Variants in CDK5RAP2 observed in about 807,000 individuals in gnomAD.
The protein encoded by CDK5RAP2 is CDK5 regulatory subunit associated protein 2, also known as CDK5 regulatory subunit-associated protein 2.
CDK5RAP2 carries 147 observed loss-of-function variants against 232.9 expected under a neutral mutation model. That is an observed-to-expected ratio of 0.63 (90% CI 0.55 to 0.72). The LOEUF is 0.72. Ranked by LOEUF, CDK5RAP2 falls within the 30% of genes least tolerant of loss-of-function variation. The pLI, the probability that CDK5RAP2 is intolerant of heterozygous loss-of-function variation, is 0.00. For synonymous variants in CDK5RAP2, 833 were observed against 833.7 expected (o/e 1.00, Z 0.01); for missense variants, 2,195 against 2,231.5 (o/e 0.98, Z 0.33).
Position 120,400,894 on chromosome 9 carries a change from G to T in CDK5RAP2, c.5308-9C>A. On this transcript the variant is annotated splice_polypyrimidine_tract_variant and intron_variant, in intron 34 of 37. Transcript: ENST00000349780. ...GGTGCTGGGTGTGGACCCTACACGGGGGATATGAAGGCTGTTACGTGCAGT... is the reference window on the plus strand; with the variant it reads ...GGTGCTGGGTGTGGACCCTACACGGTGGATATGAAGGCTGTTACGTGCAGT... 6.2e-7 allele frequency: 1 copy of T among 1,614,106 alleles called. No homozygotes were observed. The highest frequency in any genetic ancestry group is 1.1e-5 in the South Asian group (1 of 91,076).
intron 8 of CDK5RAP2, among the ~76,000 whole-genome samples, chr9:120,529,257 T>C (rs573468148): frequency 3.4e-4 from 52 of 152,224 alleles, no homozygotes; most frequent in Non-Finnish European, 4.9e-4. Flanking sequence ...ACATACGACA[T>C]GCAGCAGCTA....
Position 120,408,467 on chromosome 9 carries a change from C to T in CDK5RAP2, c.4606G>A (p.Val1536Met). Residue 1536 changes from valine (V) to methionine (M), a missense_variant and splice_region_variant, in exon 31 of 38, where the codon GTG (valine) becomes ATG (methionine). Transcript: ENST00000349780. ...TGCCTCAACTTCACCTCCTCCTGCA[C>T]CCTGAGAAGGCCCCACAGGCATGAG... ...VRCSGQELSR[V>M]QEEVKLRQQL... 1.2e-6 allele frequency: 2 copies of T among 1,614,144 alleles called. No individual in the cohort carries two copies. Among genetic ancestry groups the T allele is most frequent in the Non-Finnish European group, 1.7e-6 (2 of 1,179,992 alleles).
intron 15 of CDK5RAP2, among the ~76,000 whole-genome samples, chr9:120,475,313 C>T (rs1201037236): frequency 6.6e-6 from 1 of 152,162 alleles, no homozygotes; most frequent in South Asian, 2.1e-4. Context: ...TTTAAGAAAC[C>T]TTGTTAGTCC....
At chr9:120,538,821 T>C (rs970325221) in intron 6 of CDK5RAP2, among the ~76,000 whole-genome samples, 1 of 152,212 alleles carries the variant, frequency 6.6e-6, no homozygotes, top group Non-Finnish European at 1.5e-5. Context: ...TCAGGGATCT[T>C]ACACAGAAAT....
At chr9:120,546,945 T>A (rs1156637677) in intron 4 of CDK5RAP2, among the ~76,000 whole-genome samples, 1 of 151,956 alleles carries the variant, frequency 6.6e-6, no homozygotes, top group African/African-American at 2.4e-5. Flanking sequence ...TCCATGCCAA[T>A]TTTATATTCT....
At chr9:120,498,446 C>G (rs559631763) in intron 12 of CDK5RAP2, among the ~76,000 whole-genome samples, 8 of 152,258 alleles carry the variant, frequency 5.3e-5, no homozygotes, top group Admixed American at 4.6e-4. Flanking sequence ...AGCAACTGTT[C>G]CAGATTAGCC....
At chr9:120,406,875 G>A in intron 32 of CDK5RAP2, 137 bp downstream of exon 32, 1 of 695,928 alleles carries the variant, frequency 1.4e-6, no homozygotes, top group Admixed American at 2.6e-5. Context: ...CAGGTCCCCT[G>A]GCTCCTAGGG....
intron 4 of CDK5RAP2, 125 bp from the exon 5 acceptor site, chr9:120,545,915 T>C (rs909843728): frequency 3.9e-6 from 3 of 768,700 alleles, no homozygotes; most frequent in Middle Eastern, 3.4e-4. Context: ...AGATGTTAGA[T>C]TCCAAAAACC....
chr9:120,439,912 T>A lies in CDK5RAP2; in HGVS notation c.3209A>T (p.Glu1070Val). The A allele has an allele frequency of 6.2e-7, 1 of 1,614,162 alleles. No individual in the cohort carries two copies. The highest frequency in any genetic ancestry group is 1.1e-5 in the South Asian group (1 of 91,072). ...TACTGAAGTTGGGCTCAGAACATCTTCAGGATTTTCTTTGCATGATGGCAA... is the reference window on the plus strand; with the variant it reads ...TACTGAAGTTGGGCTCAGAACATCTACAGGATTTTCTTTGCATGATGGCAA... ...ASLPSCKENP[E>V]DVLSPTSVAT... is the part of the protein sequence containing the mutation. Residue 1070 changes from glutamate (E) to valine (V), a missense_variant, in exon 24 of 38, where the codon GAA becomes GTA. Physicochemically the swap from Glu to Val is moderately radical, Grantham distance 121. Coordinates refer to ENST00000349780, the MANE Select transcript of CDK5RAP2 (RefSeq NM_018249.6).
At chr9:120,444,242 C>T (rs141081670) in intron 22 of CDK5RAP2, among the ~76,000 whole-genome samples, 2 of 152,358 alleles carry the variant, frequency 1.3e-5, no homozygotes, top group East Asian at 1.9e-4. Context: ...AGCAAGACCC[C>T]CATCTCTACA....
intron 37 of CDK5RAP2, among the ~76,000 whole-genome samples, 180 bp downstream of exon 37, chr9:120,389,561 C>G (rs1406950461): frequency 1.3e-5 from 2 of 152,162 alleles, no homozygotes; most frequent in Admixed American, 1.3e-4. Context: ...ACTTAGAACC[C>G]CTACTGGCGA....
At chr9:120,540,124 A>G (rs1197644821) in intron 5 of CDK5RAP2, among the ~76,000 whole-genome samples, 1 of 152,222 alleles carries the variant, frequency 6.6e-6, no homozygotes, top group Non-Finnish European at 1.5e-5. Flanking sequence ...TTCTCTCCAC[A>G]TGACCGGCAG....
intron 3 of CDK5RAP2, among the ~76,000 whole-genome samples, chr9:120,560,584 G>A (rs1177193412): frequency 6.6e-6 from 1 of 152,128 alleles, no homozygotes; most frequent in Non-Finnish European, 1.5e-5. Context: ...TACATCTAGG[G>A]AAGTATTCTG....
At chr9:120,490,609 G>C (rs1014968990) in intron 13 of CDK5RAP2, among the ~76,000 whole-genome samples, 7 of 152,226 alleles carry the variant, frequency 4.6e-5, no homozygotes, top group African/African-American at 1.7e-4. Flanking sequence ...GCTGTGTGGA[G>C]AAAGCTGAAT....
chr9:120,508,071 T>C (rs2039916931), intron 12 of CDK5RAP2, among the ~76,000 whole-genome samples: 2 of 151,712 alleles, frequency 1.3e-5, no homozygotes, highest in South Asian at 2.1e-4. Context: ...AGTTTTGTTT[T>C]ATCTCTGGCC....
intron 3 of CDK5RAP2, among the ~76,000 whole-genome samples, chr9:120,559,149 A>C (rs2042360608): frequency 6.6e-6 from 1 of 152,236 alleles, no homozygotes; most frequent in South Asian, 2.1e-4. Context: ...GAATTAAAAG[A>C]AATTAATTAG....
chr9:120,546,627 G>GT (rs1020851001), intron 4 of CDK5RAP2, among the ~76,000 whole-genome samples: 3 of 152,044 alleles, frequency 2.0e-5, no homozygotes, highest in East Asian at 1.9e-4. Flanking sequence ...TTGTTTTTTT[G>GT]TTTTTTTGTT....
chr9:120,419,204 G>A lies in CDK5RAP2; in HGVS notation c.4177+584C>T, dbSNP rs2034420179. ...CCATGCTGGCTCTACCCTGATCTTG[G>A]ACTTCCTAGCCTTTAGAACTGTAAG... On this transcript the variant is annotated intron_variant, in intron 27 of 37. Transcript: ENST00000349780. 2.0e-5 allele frequency among the ~76,000 whole-genome samples: 3 copies of A among 152,122 alleles called. No homozygotes were observed. In the South Asian group the frequency reaches 6.2e-4, roughly 32 times the overall value.
Position 120,453,649 on chromosome 9 carries a change from C to A in CDK5RAP2, c.2600G>T (p.Gly867Val). The A allele has an allele frequency of 1.2e-6, 2 of 1,614,198 alleles. No individual in the cohort carries two copies. Among genetic ancestry groups the A allele is most frequent in the Non-Finnish European group, 1.7e-6 (2 of 1,180,046 alleles). ...AGTCTGCACTGAGGCATCTTTCAGT[C>A]CTACCTTGGGCACTTCGCCTGCCTT... ...LVKAGEVPKV[G>V]LKDASVQTVA... Residue 867 changes from glycine (G) to valine (V), a missense_variant, in exon 21 of 38, where the codon GGA becomes GTA. Gly to Val is a moderately radical substitution (Grantham distance 109). Transcript: ENST00000349780.
Sources: gnomAD v4.1 joint callset for allele counts (sites outside exome capture counted in the v4.1 genomes callset) on GRCh38, gnomAD v4.1.1 for gene constraint, MANE v1.5 for transcripts, NCBI Gene and HGNC (gene_info 2026-07-23, HGNC 2026-07-21) for gene names.